SIPA1L1: variants seen among roughly 807,000 people sequenced by gnomAD.
The protein encoded by SIPA1L1 is signal induced proliferation associated 1 like 1.
SIPA1L1 carries 26 observed loss-of-function variants against 162.7 expected under a neutral mutation model. That is an observed-to-expected ratio of 0.16 (90% CI 0.12 to 0.22). The LOEUF is 0.22. Ranked by LOEUF, SIPA1L1 falls within the 10% of genes least tolerant of loss-of-function variation. The pLI, the probability that SIPA1L1 is intolerant of heterozygous loss-of-function variation, is 1.00. For synonymous variants in SIPA1L1, 829 were observed against 837.4 expected (o/e 0.99, Z 0.17); for missense variants, 1,874 against 2,241.0 (o/e 0.84, Z 3.31).
intron 3 of SIPA1L1, among the ~76,000 whole-genome samples, chr14:71,527,344 A>T (rs1427268683): frequency 1.3e-5 from 2 of 151,776 alleles, no homozygotes; most frequent in African/African-American, 4.8e-5. Context: ...TTTATTTTTT[A>T]AACCAAGGAA....
At chr14:71,378,105 G>A (rs1224167656) in intron 2 of SIPA1L1, among the ~76,000 whole-genome samples, 2 of 145,320 alleles carry the variant, frequency 1.4e-5, no homozygotes, top group Admixed American at 1.4e-4. Context: ...TTTGTGTTTT[G>A]TCTTTTTTTT....
In SIPA1L1 at chr14:71,597,915, T is replaced by G. The variant is rs2036238123; in HGVS notation, c.1498+8545T>G. On this transcript the variant is annotated intron_variant, in intron 5 of 23. Coordinates refer to ENST00000381232, the MANE Select transcript of SIPA1L1 (RefSeq NM_001386936.1). The stretch of plus-strand genomic sequence containing the variant: ...ATTCACAGCCAGCCTAAGCATGCTT[T>G]GAAGGTAAGGGCCACAGAATAGAAG... Among the ~76,000 whole-genome samples, 4 of 152,326 alleles carry G rather than the reference T, an allele frequency of 2.6e-5. No homozygotes were observed. The East Asian group carries it at 7.7e-4, about 29-fold the overall frequency.
chr14:71,604,740 T>C (rs1224429083), intron 5 of SIPA1L1, among the ~76,000 whole-genome samples: 2 of 152,174 alleles, frequency 1.3e-5, no homozygotes, highest in Non-Finnish European at 2.9e-5. Context: ...TACTGGCTTA[T>C]AAGTTTTCTG....
At chr14:71,429,226 A>T (rs1333796010) in intron 2 of SIPA1L1, among the ~76,000 whole-genome samples, 1 of 152,178 alleles carries the variant, frequency 6.6e-6, no homozygotes, top group Non-Finnish European at 1.5e-5. Context: ...AAATTAGTCC[A>T]TTTATAAGGT....
At chr14:71,724,537 A>G in intron 18 of SIPA1L1, 133 bp from the exon 19 acceptor site, 2 of 645,488 alleles carry the variant, frequency 3.1e-6, no homozygotes, top group Non-Finnish European at 2.5e-6. Context: ...GCATATAAAC[A>G]GAAGTAATTA....
chr14:71,647,728 C>G (rs752388356), intron 7 of SIPA1L1, among the ~76,000 whole-genome samples: 34 of 152,104 alleles, frequency 2.2e-4, no homozygotes, highest in Non-Finnish European at 4.0e-4. Flanking sequence ...CTATCTCTCC[C>G]TTTTTATTTG....
chr14:71,458,793 A>C (rs1235486667), intron 2 of SIPA1L1, among the ~76,000 whole-genome samples: 1 of 152,158 alleles, frequency 6.6e-6, no homozygotes, highest in East Asian at 1.9e-4. Context: ...ATTCTCTGCC[A>C]GGCTTGGTGT....
intron 2 of SIPA1L1, among the ~76,000 whole-genome samples, chr14:71,433,729 A>G (rs926753061): frequency 6.6e-6 from 1 of 152,184 alleles, no homozygotes; most frequent in African/African-American, 2.4e-5. Context: ...CTTACATTGC[A>G]AAATAAGGCA....
At chr14:71,493,485 G>A (rs2049462929) in intron 2 of SIPA1L1, among the ~76,000 whole-genome samples, 2 of 152,194 alleles carry the variant, frequency 1.3e-5, no homozygotes, top group Admixed American at 1.3e-4. Context: ...TTTTGTGGAT[G>A]TGACTTCTAG....
intron 2 of SIPA1L1, among the ~76,000 whole-genome samples, chr14:71,353,683 A>G (rs1331579280): frequency 6.6e-6 from 1 of 152,182 alleles, no homozygotes; most frequent in Non-Finnish European, 1.5e-5. Flanking sequence ...GGTGGTGGCA[A>G]TAAATGGGGT....
At chr14:71,332,002 A>G (rs909512923) in intron 2 of SIPA1L1, among the ~76,000 whole-genome samples, 15 of 152,210 alleles carry the variant, frequency 9.9e-5, no homozygotes, top group Admixed American at 4.6e-4. Context: ...TCATCTTAAT[A>G]CAATGATGGG....
chr14:71,693,247 TGGTAATCCCTGCCCTTGGGGA>T (rs765648694), intron 13 of SIPA1L1, among the ~76,000 whole-genome samples: 1 of 152,190 alleles, frequency 6.6e-6, no homozygotes, highest in Non-Finnish European at 1.5e-5. Context: ...TGGCTCACAC[TGGTAATCCCTGCCCTTGGGGA>T]GGTCGAGGCA....
At chr14:71,630,202 G>A (rs1018119221) in intron 7 of SIPA1L1, among the ~76,000 whole-genome samples, 12 of 152,174 alleles carry the variant, frequency 7.9e-5, no homozygotes, top group Admixed American at 5.9e-4. Context: ...TGGTGGATCC[G>A]TATGTACATT....
intron 2 of SIPA1L1, among the ~76,000 whole-genome samples, chr14:71,421,144 A>G (rs981974725): frequency 6.6e-6 from 1 of 152,214 alleles, no homozygotes; most frequent in Non-Finnish European, 1.5e-5. Context: ...AATTAAGATC[A>G]TATTGCGCAT....
intron 2 of SIPA1L1, among the ~76,000 whole-genome samples, chr14:71,488,800 T>C (rs1201631371): frequency 6.6e-6 from 1 of 152,206 alleles, no homozygotes; most frequent in Non-Finnish European, 1.5e-5. Context: ...TTCTGGATGG[T>C]ATTCATGTAC....
rs74060387 is a variant in SIPA1L1, at chr14:71,668,329, C to T, written c.2256-2790C>T. ...GTCGTGGAGCACTCTCTTGGCTGTC[C>T]AGAAGCTTACATTCCAATCCTGGCT... On this transcript the variant is annotated intron_variant, in intron 10 of 23. Coordinates refer to ENST00000381232, the MANE Select transcript of SIPA1L1 (RefSeq NM_001386936.1). Among the ~76,000 whole-genome samples the T allele has an allele frequency of 5.2e-3, 799 of 152,226 alleles. 9 individuals are homozygous for T. Among genetic ancestry groups the T allele is most frequent in the African/African-American group, 0.019 (774 of 41,524 alleles).
intron 4 of SIPA1L1, among the ~76,000 whole-genome samples, chr14:71,546,705 G>C (rs1203048829): frequency 6.6e-6 from 1 of 152,016 alleles, no homozygotes; most frequent in South Asian, 2.1e-4. Flanking sequence ...TTATTGAGCA[G>C]GTACAATATG....
intron 2 of SIPA1L1, among the ~76,000 whole-genome samples, chr14:71,323,017 C>CT (rs1487056356): frequency 6.6e-6 from 1 of 152,246 alleles, no homozygotes; most frequent in Non-Finnish European, 1.5e-5. Context: ...AAGCACCTCT[C>CT]TGATACTTTG....
chr14:71,735,549 T>C, intron 22 of SIPA1L1, 158 bp downstream of exon 22: 1 of 543,782 alleles, frequency 1.8e-6, no homozygotes, highest in Non-Finnish European at 3.3e-6. Context: ...GCTTTGTAAC[T>C]GAATACTGTA....
Sources: allele counts gnomAD v4.1 joint callset (sites outside exome capture counted in the v4.1 genomes callset), GRCh38; gene constraint gnomAD v4.1.1; transcripts MANE v1.5; gene names NCBI Gene and HGNC (gene_info 2026-07-23, HGNC 2026-07-21).